The following KANK4 variants were observed in gnomAD, a reference collection of about 807,000 sequenced individuals.
KANK4 encodes KN motif and ankyrin repeat domain-containing protein 4.
In KANK4, 50 loss-of-function variants were observed where a neutral mutation model predicts 80.8. The observed-to-expected ratio is 0.62, with a 90% CI of 0.49 to 0.78. KANK4 has a LOEUF of 0.78. Ranked by LOEUF, KANK4 falls within the 30% of genes least tolerant of loss-of-function variation. The pLI, the probability that KANK4 is intolerant of heterozygous loss-of-function variation, is 0.00. For synonymous variants in KANK4, 465 were observed against 506.9 expected, an observed-to-expected ratio of 0.92 and a Z score of 1.11; for missense variants, 1,196 against 1,240.1, an observed-to-expected ratio of 0.96 and a Z score of 0.53.
At chr1:62,263,034 A>T in intron 7 of KANK4, 58 bp downstream of exon 7, 1 of 1,336,718 alleles carries the variant, frequency 7.5e-7, no homozygotes, top group African/African-American at 1.4e-5. Context: ...AAAAATTTTA[A>T]AAATTGCCCT....
intron 1 of KANK4, among the ~76,000 whole-genome samples, chr1:62,314,311 C>A (rs1288103644): frequency 2.0e-5 from 3 of 152,200 alleles, no homozygotes; most frequent in Admixed American, 2.0e-4. Context: ...CTGCGCCCAG[C>A]CTCCATTCTG....
At chr1:62,248,827 G>A (rs1671535798) in intron 8 of KANK4, among the ~76,000 whole-genome samples, 1 of 149,840 alleles carries the variant, frequency 6.7e-6, no homozygotes, top group Admixed American at 6.7e-5. Flanking sequence ...TTACAGGTGT[G>A]AGCCACTGTG....
intron 8 of KANK4, among the ~76,000 whole-genome samples, chr1:62,249,992 T>C (rs1671573883): frequency 6.6e-6 from 1 of 150,720 alleles, no homozygotes; most frequent in African/African-American, 2.4e-5. Flanking sequence ...TTTCTTTTCT[T>C]TTCTTTTTTT....
intron 1 of KANK4, among the ~76,000 whole-genome samples, chr1:62,315,553 G>A (rs550021652): frequency 6.6e-5 from 10 of 152,118 alleles, no homozygotes; most frequent in East Asian, 1.9e-4. Context: ...CTGTATCCAC[G>A]CCATCATCCA....
intron 9 of KANK4, among the ~76,000 whole-genome samples, chr1:62,245,378 G>A (rs1459465319): frequency 2.0e-5 from 3 of 152,204 alleles, no homozygotes; most frequent in Non-Finnish European, 4.4e-5. Context: ...CTGGATGAGT[G>A]CCTGCTGTCT....
In KANK4 at chr1:62,269,999, C is replaced by T. The variant is rs192272007; in HGVS notation, c.2012+1479G>A. On this transcript the variant is annotated intron_variant, in intron 4 of 9. Coordinates refer to ENST00000371153, the MANE Select transcript of KANK4 (RefSeq NM_181712.5). ...AAGCTCCCCTGGTGTTTCCAGCGTGCAACCAAGGCTGAGAATCACTGTACT... is the reference window on the plus strand; with the variant it reads ...AAGCTCCCCTGGTGTTTCCAGCGTGTAACCAAGGCTGAGAATCACTGTACT... Among the ~76,000 whole-genome samples, 12 of 152,318 alleles carry T rather than the reference C, an allele frequency of 7.9e-5. No homozygotes were observed. In the East Asian group the frequency reaches 2.3e-3, roughly 29 times the overall value.
chr1:62,282,257 G>A (rs1672467243), intron 1 of KANK4, among the ~76,000 whole-genome samples: 1 of 152,270 alleles, frequency 6.6e-6, no homozygotes, highest in Non-Finnish European at 1.5e-5. Context: ...TATTGCCCTG[G>A]CTCTGAATTA....
intron 5 of KANK4, 60 bp downstream of exon 5, chr1:62,268,227 A>C: frequency 7.6e-7 from 1 of 1,311,306 alleles, no homozygotes; most frequent in Admixed American, 1.7e-5. Context: ...GAACGGGTAG[A>C]TATATGCCCT....
chr1:62,254,565 GT>G (rs1028977408), intron 7 of KANK4, among the ~76,000 whole-genome samples: 36 of 135,342 alleles, frequency 2.7e-4, no homozygotes, highest in Non-Finnish European at 5.1e-4. Flanking sequence ...TTTTTTTTTT[GT>G]TTTTTTTTTC....
intron 1 of KANK4, among the ~76,000 whole-genome samples, chr1:62,295,790 C>T (rs1018340800): frequency 1.3e-5 from 2 of 152,208 alleles, no homozygotes; most frequent in African/African-American, 2.4e-5. Context: ...ATGTGGCCAG[C>T]GTCCCCAGTT....
chr1:62,304,009 G>A (rs1259534035), intron 1 of KANK4, among the ~76,000 whole-genome samples: 1 of 151,860 alleles, frequency 6.6e-6, no homozygotes, highest in East Asian at 1.9e-4. Flanking sequence ...AAGTAGCTGG[G>A]ACTACAGGCA....
chr1:62,273,795 G>T lies in KANK4; in HGVS notation c.1309C>A (p.Leu437Ile). The change falls in exon 3 of 10, where the codon CTA becomes ATA. Residue 437 changes from leucine (L) to isoleucine (I), a missense_variant. Physicochemically the swap from Leu to Ile is conservative, Grantham distance 5 (BLOSUM62 2). Around this residue, in one of 3 missense-constraint regions of KANK4, gnomAD observed 1,154 missense variants for 1,179.6 expected, o/e 0.98. Coordinates refer to ENST00000371153, the MANE Select transcript of KANK4 (RefSeq NM_181712.5). The stretch of plus-strand genomic sequence containing the variant: ...CAGCTTTCAGACTCCATGCTGCCTA[G>T]AAGGTTGACTTCAATGCCCTTATCA... ...SCDKGIEVNL[L>I]GSMESESWGH... 6.2e-7 allele frequency: 1 copy of T among 1,614,102 alleles called. No homozygotes were observed. The highest frequency in any genetic ancestry group is 8.5e-7 in the Non-Finnish European group (1 of 1,180,018).
At chr1:62,275,852 G>C (rs1382076931) in intron 2 of KANK4, among the ~76,000 whole-genome samples, 3 of 139,776 alleles carry the variant, frequency 2.1e-5, no homozygotes, top group Admixed American at 2.1e-4. Flanking sequence ...GAGGGAGGGA[G>C]GGAGGGAGGA....
At chr1:62,262,001 A>G (rs1261903694) in intron 7 of KANK4, among the ~76,000 whole-genome samples, 1 of 152,196 alleles carries the variant, frequency 6.6e-6, no homozygotes, top group Non-Finnish European at 1.5e-5. Flanking sequence ...CAAGAAGCAG[A>G]GGGCTCACCT....
At chr1:62,248,202 G>A (rs1671519010) in intron 8 of KANK4, among the ~76,000 whole-genome samples, 1 of 152,152 alleles carries the variant, frequency 6.6e-6, no homozygotes, top group Non-Finnish European at 1.5e-5. Flanking sequence ...ATCTCTGGTT[G>A]CATGTCCTGT....
At chr1:62,318,938 A>G (rs1305830253) in intron 1 of KANK4, among the ~76,000 whole-genome samples, 168 bp downstream of exon 1, 1 of 152,146 alleles carries the variant, frequency 6.6e-6, no homozygotes, top group African/African-American at 2.4e-5. Flanking sequence ...TGCCGCAGCC[A>G]CTGCTTTAAA....
Position 62,275,096 on chromosome 1 carries a change from CA to C in KANK4, c.17-10del. Reference sequence around the variant, plus strand: ...AGAGGACTGGTCTTTGGCTGGGAGACATAAGACAAGTTAAAAAAAAAAAGCA... The same window carrying C: ...AGAGGACTGGTCTTTGGCTGGGAGACTAAGACAAGTTAAAAAAAAAAAGCA... On this transcript the variant is annotated splice_polypyrimidine_tract_variant and intron_variant, in intron 2 of 9. Coordinates refer to ENST00000371153, the MANE Select transcript of KANK4 (RefSeq NM_181712.5). 6.4e-7 allele frequency: 1 copy of C among 1,554,960 alleles called. No individual in the cohort carries two copies. The highest frequency in any genetic ancestry group is 8.7e-7 in the Non-Finnish European group (1 of 1,149,330).
intron 1 of KANK4, among the ~76,000 whole-genome samples, chr1:62,293,279 G>T (rs1277644775): frequency 6.6e-6 from 1 of 151,394 alleles, no homozygotes; most frequent in African/African-American, 2.4e-5. Context: ...ATTTTTAGTA[G>T]AGATGGGGTT....
chr1:62,268,893 G>A (rs1672093494), intron 4 of KANK4, among the ~76,000 whole-genome samples: 1 of 152,174 alleles, frequency 6.6e-6, no homozygotes. Context: ...GGTCCGGAGA[G>A]GGGCCCAACT....
Sources: allele counts gnomAD v4.1 joint callset (sites outside exome capture counted in the v4.1 genomes callset), GRCh38; gene constraint gnomAD v4.1.1; regional missense constraint gnomAD v4.1.1; transcripts MANE v1.5; gene names NCBI Gene and HGNC (gene_info 2026-07-23, HGNC 2026-07-21).